Variants in KCNC2 observed in about 807,000 individuals in gnomAD.
KCNC2 encodes the protein potassium voltage-gated channel subfamily C member 2, also known as voltage-gated potassium channel KCNC2.
KCNC2 carries 21 observed loss-of-function variants against 44.5 expected under a neutral mutation model. The observed-to-expected ratio is 0.47, with a 90% CI of 0.33 to 0.68. The LOEUF (loss-of-function observed/expected upper bound fraction) is 0.68, where lower values mean the gene tolerates loss of function less well. Among genes scored for constraint, KCNC2 ranks in the 30% least tolerant of loss-of-function variants. The probability of loss-of-function intolerance (pLI) is 0.01; values close to 1 mark genes in which losing one functional copy is unlikely to be tolerated. For missense variants in KCNC2, 589 were observed against 826.2 expected (o/e 0.71, Z 3.52); for synonymous variants, 391 against 339.1 (o/e 1.15, Z -1.68).
intron 2 of KCNC2, among the ~76,000 whole-genome samples, chr12:75,203,282 A>G (rs2031438807): frequency 6.6e-6 from 1 of 151,824 alleles, no homozygotes; most frequent in African/African-American, 2.4e-5. Context: ...AAAGTGGCCC[A>G]TACAAAGTAA....
intron 2 of KCNC2, among the ~76,000 whole-genome samples, chr12:75,139,006 A>AG: frequency 7.0e-6 from 1 of 143,486 alleles, no homozygotes; most frequent in African/African-American, 2.6e-5. Flanking sequence ...AAAAAAAAAA[A>AG]CCAAGAAAGA....
intron 2 of KCNC2, among the ~76,000 whole-genome samples, chr12:75,094,185 G>T (rs953302903): frequency 6.6e-6 from 1 of 151,476 alleles, no homozygotes; most frequent in Admixed American, 6.6e-5. Flanking sequence ...TTTTAAAGTT[G>T]CCTTTTGATT....
intron 2 of KCNC2, among the ~76,000 whole-genome samples, chr12:75,155,677 C>G (rs985785032): frequency 6.6e-6 from 1 of 151,424 alleles, no homozygotes; most frequent in Non-Finnish European, 1.5e-5. Context: ...ACAGGTGGCC[C>G]TAACTAGAGA....
At chr12:75,092,878 GA>G (rs1885604325) in intron 2 of KCNC2, among the ~76,000 whole-genome samples, 1 of 151,402 alleles carries the variant, frequency 6.6e-6, no homozygotes, top group Non-Finnish European at 1.5e-5. Context: ...CTAATATGTG[GA>G]TAAGCTTATT....
chr12:75,094,757 C>T (rs183973297), intron 2 of KCNC2, among the ~76,000 whole-genome samples: 8 of 151,828 alleles, frequency 5.3e-5, no homozygotes, highest in African/African-American at 1.9e-4. Flanking sequence ...CATCTGTCCT[C>T]ATGACAGTCC....
At chr12:75,159,641 G>A (rs1283793544) in intron 2 of KCNC2, among the ~76,000 whole-genome samples, 1 of 151,760 alleles carries the variant, frequency 6.6e-6, no homozygotes, top group Non-Finnish European at 1.5e-5. Context: ...TGGACTAGGA[G>A]GTTTAACAAA....
chr12:75,200,340 G>A (rs934983789), intron 2 of KCNC2, among the ~76,000 whole-genome samples: 6 of 151,854 alleles, frequency 4.0e-5, no homozygotes, highest in Admixed American at 3.9e-4. Flanking sequence ...AATTGAGGCA[G>A]TTGTGCCAGA....
intron 2 of KCNC2, among the ~76,000 whole-genome samples, chr12:75,087,257 G>T (rs879582247): frequency 2.0e-4 from 30 of 152,110 alleles, no homozygotes; most frequent in Non-Finnish European, 2.6e-4. Flanking sequence ...ATTTGTTAGG[G>T]CCTCAGAACT....
At chr12:75,080,783 C>T (rs1331318817) in intron 2 of KCNC2, among the ~76,000 whole-genome samples, 3 of 152,072 alleles carry the variant, frequency 2.0e-5, no homozygotes, top group African/African-American at 7.2e-5. Context: ...CCCCCTCCGC[C>T]CACCACACAT....
At chr12:75,153,383 G>A (rs1890538088) in intron 2 of KCNC2, among the ~76,000 whole-genome samples, 1 of 151,940 alleles carries the variant, frequency 6.6e-6, no homozygotes, top group Non-Finnish European at 1.5e-5. Context: ...CACAAATACT[G>A]CATATTCGGA....
intron 2 of KCNC2, among the ~76,000 whole-genome samples, chr12:75,196,901 T>C (rs1291763870): frequency 1.3e-5 from 2 of 152,080 alleles, no homozygotes; most frequent in Non-Finnish European, 2.9e-5. Flanking sequence ...GAACTACAGG[T>C]AACCAGTTCT....
intron 2 of KCNC2, among the ~76,000 whole-genome samples, chr12:75,119,857 T>C (rs1176936285): frequency 6.6e-6 from 1 of 152,206 alleles, no homozygotes; most frequent in Non-Finnish European, 1.5e-5. Context: ...CAACAGTAAC[T>C]AAATACATGG....
chr12:75,084,290 T>TAGATGATAGATAGATAGATAGATA (rs200893949), intron 2 of KCNC2, among the ~76,000 whole-genome samples: 24 of 123,656 alleles, frequency 1.9e-4, no homozygotes, highest in East Asian at 4.5e-4. Context: ...GATAGATAGA[T>TAGATGATAGATAGATAGATAGATA]GATAGATAGA....
At chr12:75,199,505 A>G (rs1399680850) in intron 2 of KCNC2, among the ~76,000 whole-genome samples, 1 of 151,856 alleles carries the variant, frequency 6.6e-6, no homozygotes, top group Non-Finnish European at 1.5e-5. Flanking sequence ...TATAAAATGT[A>G]TTTTCTAGGA....
rs202030915 is a variant in KCNC2, at chr12:75,040,715, A to G, written c.*2390T>C. 7 of 167,282 alleles carry G rather than the reference A, an allele frequency of 4.2e-5. No homozygotes were observed. Among genetic ancestry groups the G allele is most frequent in the Non-Finnish European group, 9.1e-5 (7 of 76,718 alleles). The allele number at this position is 167,282 out of a possible 1,614,324, so 10.4% of individuals were successfully genotyped here. A position where few individuals can be genotyped will look rare whatever the true frequency, so the allele number is the denominator to read the frequency against. ...TACATCAGTAATTTATAAGAAAATT[A>G]TACAATCAAGTTCATAGATTCAACC... On this transcript the variant is annotated 3_prime_UTR_variant, in exon 5 of 5. Transcript: ENST00000549446.
chr12:75,099,265 A>G lies in KCNC2; in HGVS notation c.688-47948T>C, dbSNP rs151082935. ...TTCTAAGATTCAAATGAGAGTAAAA[A>G]CTTGAATATTTCATGCACAAACCCT... On this transcript the variant is annotated intron_variant, in intron 2 of 4. Transcript: ENST00000549446. Among the ~76,000 whole-genome samples, 22 of 152,308 alleles carry G rather than the reference A, an allele frequency of 1.4e-4. 1 individual carries two copies. The East Asian group carries it at 1.7e-3, about 12-fold the overall frequency.
chr12:75,120,296 A>T (rs576624227), intron 2 of KCNC2, among the ~76,000 whole-genome samples: 1 of 152,354 alleles, frequency 6.6e-6, no homozygotes, highest in East Asian at 1.9e-4. Flanking sequence ...GACCACAGAC[A>T]GATTCCTGGG....
chr12:75,042,089 T>G lies in KCNC2; in HGVS notation c.*1016A>C. 1.6e-6 allele frequency: 2 copies of G among 1,229,734 alleles called. No individual in the cohort carries two copies. Among genetic ancestry groups the G allele is most frequent in the East Asian group, 3.4e-5 (1 of 29,174 alleles). 76.2% of individuals were successfully genotyped at this position (1,229,734 alleles called of 1,614,324 possible). A position where few individuals can be genotyped will look rare whatever the true frequency, so the allele number is the denominator to read the frequency against. On this transcript the variant is annotated 3_prime_UTR_variant, in exon 5 of 5. Coordinates refer to ENST00000549446, the MANE Select transcript of KCNC2 (RefSeq NM_139137.4). ...AGCCTTCTGTGAACACCAGTGACAT[T>G]TGATGTTTGCACAAAAAATTAATAA... is the stretch of plus-strand genomic sequence containing the variant.
Position 75,081,451 on chromosome 12 carries a change from A to G in KCNC2, c.688-30134T>C, listed in dbSNP as rs575835840. On this transcript the variant is annotated intron_variant, in intron 2 of 4. Transcript: ENST00000549446. The stretch of plus-strand genomic sequence containing the variant: ...GCCTTTGATGCCCTTGTGGCTGAAG[A>G]CTAGCTGTATAAACACAATAAAGTA... Among the ~76,000 whole-genome samples, 8 of 146,416 alleles carry G rather than the reference A, an allele frequency of 5.5e-5. No individual in the cohort carries two copies. In the Admixed American group the frequency reaches 5.6e-4, roughly 10 times the overall value.
Sources: allele counts gnomAD v4.1 joint callset (sites outside exome capture counted in the v4.1 genomes callset), GRCh38; gene constraint gnomAD v4.1.1; transcripts MANE v1.5; gene names NCBI Gene and HGNC (gene_info 2026-07-23, HGNC 2026-07-21).